PIP4K2B: variants seen among roughly 807,000 people sequenced by gnomAD.
The protein encoded by PIP4K2B is phosphatidylinositol-5-phosphate 4-kinase type 2 beta.
A neutral mutation model predicts 42.0 loss-of-function variants in PIP4K2B; 3 were observed. The ratio of observed to expected loss-of-function variants is 0.07; its 90% CI spans 0.03 to 0.18. The LOEUF is 0.18. PIP4K2B is among the 10% of genes least tolerant of loss of function. The pLI, the probability that PIP4K2B is intolerant of heterozygous loss-of-function variation, is 1.00. For synonymous variants in PIP4K2B, 204 were observed against 210.1 expected (o/e 0.97, Z 0.25); for missense variants, 332 against 562.3 (o/e 0.59, Z 4.14).
At chr17:38,769,989 C>A (rs753591100) in intron 9 of PIP4K2B, among the ~76,000 whole-genome samples, 3 of 152,030 alleles carry the variant, frequency 2.0e-5, no homozygotes, top group Non-Finnish European at 4.4e-5. Context: ...CAGGCCTGCA[C>A]CGAAGTAGAA....
At chr17:38,783,195 CAAA>C (rs35913511) in intron 3 of PIP4K2B, among the ~76,000 whole-genome samples, 2 of 55,922 alleles carry the variant, frequency 3.6e-5, no homozygotes, top group African/African-American at 1.8e-4. Context: ...AACTCCATCT[CAAA>C]AAAAAAAAAA....
intron 7 of PIP4K2B, chr17:38,776,173 T>C: frequency 2.9e-6 from 1 of 349,874 alleles, no homozygotes; most frequent in Non-Finnish European, 5.6e-6. Flanking sequence ...TTTCTCCATG[T>C]TGGTCAGGCT....
Position 38,767,313 on chromosome 17 carries a change from AG to A in PIP4K2B, c.*2377del, listed in dbSNP as rs1378813421. The A allele has an allele frequency of 6.6e-6, 1 of 152,220 alleles. No individual in the cohort carries two copies. The highest frequency in any genetic ancestry group is 2.4e-5 in the African/African-American group (1 of 41,456). The allele number at this position is 152,220 out of a possible 1,614,324, so 9.4% of individuals were successfully genotyped here. A position where few individuals can be genotyped will look rare whatever the true frequency, so the allele number is the denominator to read the frequency against. ...GAAACTTGTATAAACCAAGATAAATAGCTTTTAAACATTTGAATGCCAAAAA... is the reference window on the plus strand; with the variant it reads ...GAAACTTGTATAAACCAAGATAAATACTTTTAAACATTTGAATGCCAAAAA... On this transcript the variant is annotated 3_prime_UTR_variant, in exon 10 of 10. Coordinates refer to ENST00000619039, the MANE Select transcript of PIP4K2B (RefSeq NM_003559.5).
chr17:38,769,362 G>A lies in PIP4K2B; in HGVS notation c.*329C>T, dbSNP rs1908881572. The A allele has an allele frequency of 6.9e-6, 2 of 288,990 alleles. No individual in the cohort carries two copies. Among genetic ancestry groups the A allele is most frequent in the Non-Finnish European group, 6.4e-6 (1 of 155,614 alleles). The allele number at this position is 288,990 out of a possible 1,614,324, so 17.9% of individuals were successfully genotyped here. On this transcript the variant is annotated 3_prime_UTR_variant, in exon 10 of 10. Transcript: ENST00000619039. ...AGAAACAAAACCCAAATAAACCCACGAAGTCATCTCTAGCCCCAAGGTATC... is the reference window on the plus strand; with the variant it reads ...AGAAACAAAACCCAAATAAACCCACAAAGTCATCTCTAGCCCCAAGGTATC...
intron 3 of PIP4K2B, among the ~76,000 whole-genome samples, chr17:38,781,937 T>G (rs534227599): frequency 6.6e-6 from 1 of 152,014 alleles, no homozygotes; most frequent in Non-Finnish European, 1.5e-5. Flanking sequence ...CTCGGCCTCC[T>G]GAGCAGCTGG....
chr17:38,787,037 T>G (rs1214898013), intron 1 of PIP4K2B, 117 bp from the exon 2 acceptor site: 8 of 763,356 alleles, frequency 1.0e-5, no homozygotes, highest in Middle Eastern at 4.7e-4. Flanking sequence ...TCCCTCTCTG[T>G]CTTTTTTTGT....
chr17:38,777,940 A>AG, intron 6 of PIP4K2B, 140 bp from the exon 7 acceptor site: 1 of 479,652 alleles, frequency 2.1e-6, no homozygotes, highest in South Asian at 1.9e-5. Flanking sequence ...CTAAATCAGC[A>AG]GTGCAGGAGC....
At chr17:38,782,005 C>G (rs1453608866) in intron 3 of PIP4K2B, among the ~76,000 whole-genome samples, 1 of 152,166 alleles carries the variant, frequency 6.6e-6, no homozygotes, top group African/African-American at 2.4e-5. Context: ...TTACTTTCCC[C>G]TAATACCTCC....
chr17:38,786,339 G>A (rs1012821865), intron 2 of PIP4K2B, among the ~76,000 whole-genome samples: 1 of 152,218 alleles, frequency 6.6e-6, no homozygotes, highest in Non-Finnish European at 1.5e-5. Context: ...AGAAGCGACA[G>A]CAGACAAAAA....
At position 38,779,408 on chromosome 17, in the gene PIP4K2B, G is replaced by A. The variant is rs755891728; in HGVS notation, c.629C>T (p.Thr210Ile). 1 of 1,612,502 alleles carries A rather than the reference G, an allele frequency of 6.2e-7. No homozygotes were observed. Among genetic ancestry groups the A allele is most frequent in the East Asian group, 2.2e-5 (1 of 44,836 alleles). ...VTRNVFSHRL[T>I]VHRKYDLKGS... is the part of the protein sequence containing the mutation. ...CTTGAGGTCATACTTGCGATGCACA[G>A]TGAGCCGATGGCTGAACACGTTCCT... Residue 210 changes from threonine (T) to isoleucine (I), a missense_variant, in exon 5 of 10, where the codon ACT becomes ATT. By Grantham distance (89) the Thr-to-Ile change is moderately conservative. Coordinates refer to ENST00000619039, the MANE Select transcript of PIP4K2B (RefSeq NM_003559.5).
chr17:38,790,570 T>C (rs1398164838), intron 1 of PIP4K2B, among the ~76,000 whole-genome samples: 3 of 152,210 alleles, frequency 2.0e-5, no homozygotes, highest in African/African-American at 7.2e-5. Context: ...GCGATTCTCC[T>C]GCCTCAGTCT....
At chr17:38,780,922 G>C (rs1034858893) in intron 3 of PIP4K2B, among the ~76,000 whole-genome samples, 1 of 152,260 alleles carries the variant, frequency 6.6e-6, no homozygotes, top group East Asian at 1.9e-4. Flanking sequence ...TGATGGAGGG[G>C]GCTGAGTCTA....
intron 1 of PIP4K2B, among the ~76,000 whole-genome samples, chr17:38,795,794 A>C (rs954886109): frequency 6.6e-6 from 1 of 151,804 alleles, no homozygotes; most frequent in Non-Finnish European, 1.5e-5. Flanking sequence ...ATGGCCAGTA[A>C]GTACATGAAA....
intron 2 of PIP4K2B, among the ~76,000 whole-genome samples, chr17:38,785,468 G>A (rs1909955229): frequency 6.6e-6 from 1 of 152,158 alleles, no homozygotes; most frequent in African/African-American, 2.4e-5. Context: ...ACTGAGGTCA[G>A]GAGTTCGAGA....
In PIP4K2B at chr17:38,768,507, T is replaced by C. The variant is rs547419739; in HGVS notation, c.*1184A>G. 6.5e-6 allele frequency: 1 copy of C among 152,706 alleles called. No homozygotes were observed. Among genetic ancestry groups the C allele is most frequent in the African/African-American group, 2.4e-5 (1 of 41,588 alleles). 9.5% of individuals were successfully genotyped at this position (152,706 alleles called of 1,614,324 possible). A position where few individuals can be genotyped will look rare whatever the true frequency, so the allele number is the denominator to read the frequency against. On this transcript the variant is annotated 3_prime_UTR_variant, in exon 10 of 10. Coordinates refer to ENST00000619039, the MANE Select transcript of PIP4K2B (RefSeq NM_003559.5). The stretch of plus-strand genomic sequence containing the variant: ...ATGTAACTAGGAAGCCACCTCACGT[T>C]TGGACACCACACTCTAAGATGGGGG...
rs1214592872 is a variant in PIP4K2B, at chr17:38,767,724, CGAG to C, written c.*1964_*1966del. ...CAAGCTTCAGAGATGCTGCGCCTGA[CGAG>C]GAGCAGATCCAAACTTCCATTCTTC... is the stretch of plus-strand genomic sequence containing the variant. On this transcript the variant is annotated 3_prime_UTR_variant, in exon 10 of 10. Transcript: ENST00000619039. 2.0e-5 allele frequency: 3 copies of C among 152,200 alleles called. No individual in the cohort carries two copies. The highest frequency in any genetic ancestry group is 4.4e-5 in the Non-Finnish European group (3 of 68,022). 9.4% of individuals were successfully genotyped at this position (152,200 alleles called of 1,614,324 possible).
Position 38,780,647 on chromosome 17 carries a change from A to T in PIP4K2B, c.355-43T>A, listed in dbSNP as rs781664538. 5.7e-5 allele frequency: 90 copies of T among 1,591,094 alleles called. 1 individual carries two copies. The East Asian group carries it at 2.0e-3, about 35-fold the overall frequency. On this transcript the variant is annotated intron_variant, in intron 3 of 9. Coordinates refer to ENST00000619039, the MANE Select transcript of PIP4K2B (RefSeq NM_003559.5). ...AGAAGGCTGGGCTTGGCAGGGGAAC[A>T]GAATTCTGACTTTCGCTGAGTCTTC...
intron 1 of PIP4K2B, among the ~76,000 whole-genome samples, chr17:38,788,493 C>T (rs1338827383): frequency 6.6e-6 from 1 of 152,042 alleles, no homozygotes; most frequent in Non-Finnish European, 1.5e-5. Context: ...AGCCACTGCG[C>T]CCGGCTGTAA....
intron 6 of PIP4K2B, among the ~76,000 whole-genome samples, 167 bp downstream of exon 6, chr17:38,778,167 C>T (rs1046431796): frequency 5.9e-5 from 9 of 152,150 alleles, no homozygotes; most frequent in African/African-American, 2.2e-4. Context: ...AAGGTCTAGG[C>T]CTAGCACAAG....
Sources: allele counts gnomAD v4.1 joint callset (sites outside exome capture counted in the v4.1 genomes callset), GRCh38; gene constraint gnomAD v4.1.1; transcripts MANE v1.5; gene names NCBI Gene and HGNC (gene_info 2026-07-23, HGNC 2026-07-21).